The following DHCR7 variants were observed in gnomAD, a reference collection of about 807,000 sequenced individuals.
DHCR7 encodes the protein 7-DHC reductase.
Under a neutral mutation model 43.3 loss-of-function variants are expected in DHCR7, and 40 were observed. The ratio of observed to expected loss-of-function variants is 0.92; its 90% confidence interval spans 0.72 to 1.20. The LOEUF is 1.20. Ranked by LOEUF, DHCR7 falls within the 50% of genes most tolerant of loss-of-function variation. The pLI, the probability that DHCR7 is intolerant of heterozygous loss-of-function variation, is 0.00. For missense variants in DHCR7, 608 were observed against 644.6 expected (o/e 0.94, Z 0.62); for synonymous variants, 298 against 271.4 (o/e 1.10, Z -0.96).
intron 3 of DHCR7, 28 bp from the exon 4 acceptor site, chr11:71,444,243 C>T (rs1949381423): frequency 1.3e-6 from 2 of 1,548,282 alleles, no homozygotes; most frequent in South Asian, 2.4e-5. Flanking sequence ...GGCAGTCACA[C>T]TGGGGCCCAT....
At position 71,434,895 on chromosome 11, in the gene DHCR7, G is replaced by A. The variant is rs1790345; in HGVS notation, c.*480C>T. The A allele has an allele frequency of 0.29, 103,545 of 355,294 alleles. 16,816 individuals carry two copies. Among genetic ancestry groups the A allele is most frequent in the South Asian group, 0.47 (22,366 of 47,762 alleles). 22.0% of individuals were successfully genotyped at this position (355,294 alleles called of 1,614,324 possible). The stretch of plus-strand genomic sequence containing the variant: ...GAAACGGCGCACGGGCCCCACCCAC[G>A]ACTGCAGAGCAGGCAGGGGAGGGGG... On this transcript the variant is annotated 3_prime_UTR_variant, in exon 9 of 9. Coordinates refer to ENST00000355527, the MANE Select transcript of DHCR7 (RefSeq NM_001360.3).
At chr11:71,438,597 C>A (rs919087677) in intron 7 of DHCR7, among the ~76,000 whole-genome samples, 1 of 152,082 alleles carries the variant, frequency 6.6e-6, no homozygotes, top group Non-Finnish European at 1.5e-5. Context: ...TCCCACACAC[C>A]CCCAGATTCT....
intron 8 of DHCR7, among the ~76,000 whole-genome samples, chr11:71,436,212 A>G (rs982166088): frequency 2.6e-5 from 4 of 152,332 alleles, no homozygotes; most frequent in African/African-American, 9.6e-5. Context: ...TTGGTCAAAC[A>G]CTAGTTGTAA....
chr11:71,447,936 G>A (rs1255944158), intron 1 of DHCR7: 2 of 152,500 alleles, frequency 1.3e-5, no homozygotes, highest in African/African-American at 4.8e-5. Context: ...GACAAAGAGG[G>A]AGGCGAACAA....
downstream of DHCR7, among the ~76,000 whole-genome samples, chr11:71,427,664 T>C (rs1981412): frequency 0.56 from 85,262 of 151,906 alleles, 26,509 homozygotes; most frequent in Non-Finnish European, 0.74. Context: ...AGGATAAAAG[T>C]CAAAATCAGC....
chr11:71,437,256 G>A (rs1228151433), intron 8 of DHCR7, among the ~76,000 whole-genome samples: 7 of 152,178 alleles, frequency 4.6e-5, no homozygotes, highest in East Asian at 1.9e-4. Context: ...CCACCCCACC[G>A]TTCTGCTAAG....
At chr11:71,429,589 C>T (rs1006941703), downstream of DHCR7, among the ~76,000 whole-genome samples, 6 of 152,044 alleles carry the variant, frequency 3.9e-5, no homozygotes, top group East Asian at 3.9e-4. Context: ...ACCTGGTTTT[C>T]GGTTAGAGCA....
chr11:71,442,482 C>A, intron 4 of DHCR7, 129 bp from the exon 5 acceptor site: 2 of 745,432 alleles, frequency 2.7e-6, no homozygotes. Context: ...CCTGGAAGCT[C>A]AAACTGCTGG....
intron 2 of DHCR7, among the ~76,000 whole-genome samples, chr11:71,447,125 C>T (rs565560142): frequency 6.6e-6 from 1 of 152,248 alleles, no homozygotes; most frequent in Non-Finnish European, 1.5e-5. Context: ...CACATGCACA[C>T]TTGCCTTACA....
At chr11:71,437,028 C>T (rs1447497834) in intron 8 of DHCR7, among the ~76,000 whole-genome samples, 1 of 152,198 alleles carries the variant, frequency 6.6e-6, no homozygotes, top group Non-Finnish European at 1.5e-5. Context: ...ATGCGGGGGG[C>T]TCCAAGGACC....
At chr11:71,446,751 T>C (rs761452813) in intron 2 of DHCR7, among the ~76,000 whole-genome samples, 4 of 152,260 alleles carry the variant, frequency 2.6e-5, no homozygotes, top group African/African-American at 7.2e-5. Context: ...CACAAGTTAG[T>C]TTATGCAGTT....
intron 8 of DHCR7, among the ~76,000 whole-genome samples, chr11:71,436,237 T>G (rs79599760): frequency 6.6e-6 from 1 of 152,354 alleles, no homozygotes; most frequent in Middle Eastern, 3.4e-3. Context: ...ATTTTTCAGA[T>G]GAGGTTCATA....
chr11:71,444,979 C>T (rs769820966), intron 2 of DHCR7, 21 bp from the exon 3 acceptor site: 13 of 1,597,718 alleles, frequency 8.1e-6, no homozygotes, highest in Non-Finnish European at 1.1e-5. Flanking sequence ...GAGAACCTTG[C>T]TTACATTATC....
intron 2 of DHCR7, among the ~76,000 whole-genome samples, chr11:71,445,354 G>A (rs973714577): frequency 6.6e-6 from 1 of 152,194 alleles, no homozygotes; most frequent in Non-Finnish European, 1.5e-5. Context: ...CTGTGGCACT[G>A]ACTTCCTCTG....
intron 4 of DHCR7, among the ~76,000 whole-genome samples, chr11:71,442,597 G>A (rs547282679): frequency 1.6e-4 from 24 of 152,236 alleles, no homozygotes; most frequent in African/African-American, 5.8e-4. Flanking sequence ...AGAGCGCACA[G>A]GTCCCTCCCA....
intron 4 of DHCR7, 143 bp downstream of exon 4, chr11:71,443,850 C>A: frequency 1.6e-6 from 1 of 641,388 alleles, no homozygotes; most frequent in Middle Eastern, 4.0e-4. Flanking sequence ...ATGTCAGAGT[C>A]CAGGGAATGC....
At chr11:71,431,117 T>G (rs981604307), downstream of DHCR7, among the ~76,000 whole-genome samples, 19 of 152,178 alleles carry the variant, frequency 1.2e-4, no homozygotes, top group Admixed American at 5.9e-4. Context: ...ATTGCGCCAC[T>G]GCACTCCAGC....
At chr11:71,440,609 G>A (rs1949338675) in intron 6 of DHCR7, among the ~76,000 whole-genome samples, 2 of 151,162 alleles carry the variant, frequency 1.3e-5, no homozygotes, top group Non-Finnish European at 2.9e-5. Flanking sequence ...GATGATGGGT[G>A]GGTGGATGTG....
intron 2 of DHCR7, among the ~76,000 whole-genome samples, chr11:71,446,595 C>A (rs540432420): frequency 1.3e-5 from 2 of 152,234 alleles, no homozygotes; most frequent in African/African-American, 4.8e-5. Context: ...AGTATTTCTT[C>A]TGAAGCCTTT....
Sources: gnomAD v4.1 joint callset for allele counts (sites outside exome capture counted in the v4.1 genomes callset) on GRCh38, gnomAD v4.1.1 for gene constraint, MANE v1.5 for transcripts, NCBI Gene and HGNC (gene_info 2026-07-23, HGNC 2026-07-21) for gene names.